The following ADGRA3 variants were observed in gnomAD, a reference collection of about 807,000 sequenced individuals.
ADGRA3 encodes G-protein coupled receptor 125.
Under a neutral mutation model 119.8 loss-of-function variants are expected in ADGRA3, and 56 were observed. That is an observed-to-expected ratio of 0.47 (90% CI 0.38 to 0.58). The LOEUF is 0.58. Among genes scored for constraint, ADGRA3 ranks in the 20% least tolerant of loss-of-function variants. The pLI is 0.00. For missense variants in ADGRA3, 1,516 were observed against 1,649.0 expected (o/e 0.92, Z 1.40); for synonymous variants, 607 against 623.8 (o/e 0.97, Z 0.40).
chr4:22,435,413 G>T lies in ADGRA3; in HGVS notation c.1341C>A (p.Tyr447Ter). 2.5e-6 allele frequency: 4 copies of T among 1,612,596 alleles called. No homozygotes were observed. Among genetic ancestry groups the T allele is most frequent in the Non-Finnish European group, 3.4e-6 (4 of 1,178,838 alleles). ...CAGAAAAGTTGGCTGCTTCCACAGTGTAAGCCAGTAACTGTCGAGCTGTTG... is the reference window on the plus strand; with the variant it reads ...CAGAAAAGTTGGCTGCTTCCACAGTTTAAGCCAGTAACTGTCGAGCTGTTG... The part of the protein sequence containing the change: ...AVATARQLLA[Y>*]TVEAANFSDK... Residue 447 changes from tyrosine to a stop codon, truncating the protein, a stop_gained, in exon 10 of 19, where the codon TAC becomes TAA. Coordinates refer to ENST00000334304, the MANE Select transcript of ADGRA3 (RefSeq NM_145290.4). LOFTEE classifies it high-confidence loss of function.
chr4:22,419,020 C>T (rs950185835), intron 12 of ADGRA3, among the ~76,000 whole-genome samples: 3 of 152,012 alleles, frequency 2.0e-5, no homozygotes, highest in Admixed American at 6.6e-5. Context: ...TCAAAGTTAC[C>T]GTGGTTTGTG....
At chr4:22,398,221 G>C (rs1264755701) in intron 16 of ADGRA3, 1 of 780,482 alleles carries the variant, frequency 1.3e-6, no homozygotes, top group East Asian at 1.3e-4. Context: ...AACATTTATT[G>C]AACAGTTAGT....
At chr4:22,439,773 C>T (rs901250875) in intron 7 of ADGRA3, among the ~76,000 whole-genome samples, 2 of 152,142 alleles carry the variant, frequency 1.3e-5, no homozygotes, top group South Asian at 2.1e-4. Flanking sequence ...AAGTATATTT[C>T]GTCAATGAAA....
chr4:22,388,874 T>G lies in ADGRA3; in HGVS notation c.2797A>C (p.Met933Leu). 6.2e-7 allele frequency: 1 copy of G among 1,614,084 alleles called. No individual in the cohort carries two copies. Among genetic ancestry groups the G allele is most frequent in the Non-Finnish European group, 8.5e-7 (1 of 1,179,978 alleles). Reference protein sequence around the residue: ...PASFITFVNCMYFLSIFIQLK... With the variant: ...PASFITFVNCLYFLSIFIQLK... ...TGAATAAATATGCTCAGAAAGTACA[T>G]GCAGTTTACAAAAGTGATGAAGCTG... The change falls in exon 19 of 19, where the codon ATG (methionine) becomes CTG (leucine). Residue 933 changes from methionine (M) to leucine (L), a missense_variant. Coordinates refer to ENST00000334304, the MANE Select transcript of ADGRA3 (RefSeq NM_145290.4).
At chr4:22,439,345 T>C (rs766008564) in intron 7 of ADGRA3, among the ~76,000 whole-genome samples, 1 of 152,160 alleles carries the variant, frequency 6.6e-6, no homozygotes, top group Admixed American at 6.5e-5. Flanking sequence ...ATTTCCAAGA[T>C]GAAATCATAA....
At chr4:22,449,563 T>C (rs28386903) in intron 4 of ADGRA3, among the ~76,000 whole-genome samples, 20,815 of 152,074 alleles carry the variant, frequency 0.14, 1,493 homozygotes, top group South Asian at 0.23. Flanking sequence ...CTTCAAAGAA[T>C]TGGGCCAGGT....
chr4:22,437,618 G>C (rs1462998), intron 8 of ADGRA3, among the ~76,000 whole-genome samples: 5,598 of 152,230 alleles, frequency 0.037, 319 homozygotes, highest in African/African-American at 0.13. Flanking sequence ...GGTAAAAGCT[G>C]TCATCTCTTG....
intron 5 of ADGRA3, 40 bp downstream of exon 5, chr4:22,447,400 A>G (rs1716868481): frequency 8.3e-7 from 1 of 1,207,790 alleles, no homozygotes; most frequent in Non-Finnish European, 1.2e-6. Context: ...AAAAGACATG[A>G]AAATCAAAAA....
At chr4:22,410,804 A>T (rs2109020084) in intron 14 of ADGRA3, among the ~76,000 whole-genome samples, 1 of 152,252 alleles carries the variant, frequency 6.6e-6, no homozygotes, top group East Asian at 1.9e-4. Context: ...TTTGTCAACA[A>T]TTTCAAATAC....
chr4:22,498,339 C>T (rs1017025904), intron 1 of ADGRA3, among the ~76,000 whole-genome samples: 1 of 152,086 alleles, frequency 6.6e-6, no homozygotes, highest in African/African-American at 2.4e-5. Context: ...GTTAACATGG[C>T]CGGGTGCAGT....
In ADGRA3 at chr4:22,388,704, C is replaced by A. The variant is rs1259344870; in HGVS notation, c.2967G>T (p.Glu989Asp). The A allele has an allele frequency of 6.2e-6, 10 of 1,614,044 alleles. No individual in the cohort carries two copies. The highest frequency in any genetic ancestry group is 7.6e-6 in the Non-Finnish European group (9 of 1,179,998). The change falls in exon 19 of 19, where the codon GAG (glutamate) becomes GAT (aspartate). Residue 989 changes from glutamate (E) to aspartate (D), a missense_variant. Around this residue, in one of 2 missense-constraint regions of ADGRA3, gnomAD observed 1,088 missense variants for 1,107.1 expected, o/e 0.98. Coordinates refer to ENST00000334304, the MANE Select transcript of ADGRA3 (RefSeq NM_145290.4). Reference sequence around the variant, plus strand: ...CCAAGAGCTGAGAATGAAAAGTGTGCTCATTTTCCAAGGCTGATGTAGAAA... The same window carrying A: ...CCAAGAGCTGAGAATGAAAAGTGTGATCATTTTCCAAGGCTGATGTAGAAA... ...SLISTSALEN[E>D]HTFHSQLLGA...
chr4:22,391,949 G>A (rs575928763), intron 17 of ADGRA3, among the ~76,000 whole-genome samples: 24 of 151,778 alleles, frequency 1.6e-4, no homozygotes, highest in Admixed American at 5.3e-4. Context: ...CTCACACAGC[G>A]CAGTCAGTGC....
At chr4:22,470,876 G>C (rs903121776) in intron 2 of ADGRA3, among the ~76,000 whole-genome samples, 2 of 152,166 alleles carry the variant, frequency 1.3e-5, no homozygotes, top group Admixed American at 1.3e-4. Context: ...AGTCCCTGGG[G>C]ACTCTGAGGC....
At chr4:22,474,197 A>G (rs1207761516) in intron 1 of ADGRA3, among the ~76,000 whole-genome samples, 2 of 152,236 alleles carry the variant, frequency 1.3e-5, no homozygotes, top group African/African-American at 4.8e-5. Context: ...CACATTTTTA[A>G]AATGGAAACT....
intron 1 of ADGRA3, among the ~76,000 whole-genome samples, chr4:22,514,313 G>A (rs1168947184): frequency 1.3e-5 from 2 of 151,920 alleles, no homozygotes; most frequent in East Asian, 1.9e-4. Flanking sequence ...TGTTAGTAAC[G>A]GAGTCAAATA....
chr4:22,397,598 G>C (rs1714418306), intron 16 of ADGRA3, among the ~76,000 whole-genome samples: 1 of 152,134 alleles, frequency 6.6e-6, no homozygotes, highest in Admixed American at 6.5e-5. Context: ...CCCAAATCTT[G>C]AATTGTAGCT....
intron 4 of ADGRA3, among the ~76,000 whole-genome samples, chr4:22,453,760 CCTAT>C (rs1717146673): frequency 6.6e-6 from 1 of 152,092 alleles, no homozygotes; most frequent in Non-Finnish European, 1.5e-5. Context: ...GTTCTAAGCC[CCTAT>C]CTGCTTTTCA....
chr4:22,465,407 G>A (rs1177704172), intron 2 of ADGRA3, among the ~76,000 whole-genome samples: 2 of 152,164 alleles, frequency 1.3e-5, no homozygotes, highest in Non-Finnish European at 2.9e-5. Flanking sequence ...GGAGGGATGA[G>A]CATAGACATT....
intron 16 of ADGRA3, 67 bp from the exon 17 acceptor site, chr4:22,392,757 G>A: frequency 2.1e-6 from 3 of 1,426,038 alleles, no homozygotes; most frequent in Admixed American, 2.2e-5. Flanking sequence ...CCTCAAAATT[G>A]GTAAGTAACT....
Sources: gnomAD v4.1 joint callset for allele counts (sites outside exome capture counted in the v4.1 genomes callset) on GRCh38, gnomAD v4.1.1 for gene constraint, gnomAD v4.1.1 regional missense constraint, MANE v1.5 for transcripts, NCBI Gene and HGNC (gene_info 2026-07-23, HGNC 2026-07-21) for gene names.